LDB2: variants seen among roughly 807,000 people sequenced by gnomAD.
The protein encoded by LDB2 is LIM domain-binding protein 2.
LDB2 carries 12 observed loss-of-function variants against 44.3 expected under a neutral mutation model. That is an observed-to-expected ratio of 0.27 (90% CI 0.17 to 0.44). LDB2 has a LOEUF of 0.44. Among genes scored for constraint, LDB2 ranks in the 20% least tolerant of loss-of-function variants. The pLI, the probability that LDB2 is intolerant of heterozygous loss-of-function variation, is 1.00. For synonymous variants in LDB2, 164 were observed against 174.8 expected (o/e 0.94, Z 0.49); for missense variants, 344 against 473.5 (o/e 0.73, Z 2.54).
chr4:16,567,414 G>A (rs936302449), intron 5 of LDB2, among the ~76,000 whole-genome samples: 7 of 150,018 alleles, frequency 4.7e-5, no homozygotes, highest in African/African-American at 1.5e-4. Context: ...GTGTGCATGC[G>A]TGTGTGTGTG....
intron 1 of LDB2, among the ~76,000 whole-genome samples, chr4:16,790,757 C>T (rs1775535771): frequency 6.6e-6 from 1 of 152,174 alleles, no homozygotes; most frequent in South Asian, 2.1e-4. Context: ...TCTGAGATTT[C>T]CAGTTCTTCT....
chr4:16,754,863 T>C (rs1233530951), intron 2 of LDB2, among the ~76,000 whole-genome samples: 2 of 152,044 alleles, frequency 1.3e-5, no homozygotes, highest in Non-Finnish European at 2.9e-5. Flanking sequence ...CACTTGCACA[T>C]AAGAAAATGA....
At chr4:16,551,977 G>A (rs1418893220) in intron 5 of LDB2, among the ~76,000 whole-genome samples, 4 of 151,992 alleles carry the variant, frequency 2.6e-5, no homozygotes, top group Non-Finnish European at 5.9e-5. Context: ...GTAAGTCTTA[G>A]GTGTATAATT....
chr4:16,701,386 C>T (rs1034319877), intron 2 of LDB2, among the ~76,000 whole-genome samples: 1 of 152,116 alleles, frequency 6.6e-6, no homozygotes, highest in Non-Finnish European at 1.5e-5. Context: ...ACCTGCCTGG[C>T]ACCACGCAAC....
intron 1 of LDB2, among the ~76,000 whole-genome samples, chr4:16,820,125 A>G (rs1781663927): frequency 6.6e-6 from 1 of 152,236 alleles, no homozygotes; most frequent in Non-Finnish European, 1.5e-5. Context: ...GTTCAAATGG[A>G]CTTTTGGGGA....
chr4:16,770,104 G>A (rs1297905364), intron 1 of LDB2, among the ~76,000 whole-genome samples: 2 of 152,196 alleles, frequency 1.3e-5, no homozygotes, highest in African/African-American at 2.4e-5. Context: ...CAGTGTGTAT[G>A]TGCCAACAAT....
chr4:16,705,819 T>C (rs184248547), intron 2 of LDB2, among the ~76,000 whole-genome samples: 2 of 152,272 alleles, frequency 1.3e-5, no homozygotes, highest in East Asian at 1.9e-4. Context: ...TATTTAATGG[T>C]CTATCATGAG....
chr4:16,736,362 A>G lies in LDB2; in HGVS notation c.235+22796T>C, dbSNP rs373458509. On this transcript the variant is annotated intron_variant, in intron 2 of 7. Transcript: ENST00000304523. Reference sequence around the variant, plus strand: ...CAACACTCCTGAGTTTCTGTCCCCAAAAAGCAAGAATCCAATCTTTACATT... The same window carrying G: ...CAACACTCCTGAGTTTCTGTCCCCAGAAAGCAAGAATCCAATCTTTACATT... Among the ~76,000 whole-genome samples the G allele has an allele frequency of 5.3e-5, 8 of 152,216 alleles. No homozygotes were observed. The East Asian group carries it at 1.2e-3, about 22-fold the overall frequency.
intron 1 of LDB2, among the ~76,000 whole-genome samples, chr4:16,781,578 T>C (rs1773243711): frequency 6.6e-6 from 1 of 152,154 alleles, no homozygotes; most frequent in Non-Finnish European, 1.5e-5. Flanking sequence ...CATACTCTGA[T>C]GCACCCAAAT....
intron 1 of LDB2, among the ~76,000 whole-genome samples, chr4:16,814,236 C>T (rs189245461): frequency 2.6e-5 from 4 of 152,272 alleles, no homozygotes; most frequent in Admixed American, 1.3e-4. Context: ...TTAGTGTGCA[C>T]AGGCCAGGTT....
At chr4:16,644,239 T>C (rs1481008379) in intron 2 of LDB2, among the ~76,000 whole-genome samples, 1 of 152,156 alleles carries the variant, frequency 6.6e-6, no homozygotes, top group Non-Finnish European at 1.5e-5. Context: ...TATTTTTGAA[T>C]ACAGAATGCC....
At chr4:16,715,780 A>G (rs1251704517) in intron 2 of LDB2, among the ~76,000 whole-genome samples, 1 of 152,126 alleles carries the variant, frequency 6.6e-6, no homozygotes, top group East Asian at 1.9e-4. Context: ...TGTATGGGGA[A>G]GTCACTAGTA....
intron 5 of LDB2, among the ~76,000 whole-genome samples, chr4:16,560,576 T>C (rs1194676186): frequency 6.6e-6 from 1 of 152,114 alleles, no homozygotes; most frequent in Non-Finnish European, 1.5e-5. Flanking sequence ...CAATAATCAA[T>C]AGCTTACCAA....
At chr4:16,698,454 T>A (rs771588963) in intron 2 of LDB2, among the ~76,000 whole-genome samples, 4 of 152,232 alleles carry the variant, frequency 2.6e-5, no homozygotes, top group Non-Finnish European at 4.4e-5. Context: ...ATCAAACTTC[T>A]GATTTGTCAG....
chr4:16,761,716 G>T (rs1213291068), intron 1 of LDB2, among the ~76,000 whole-genome samples: 1 of 152,110 alleles, frequency 6.6e-6, no homozygotes, highest in Non-Finnish European at 1.5e-5. Context: ...AAATCTTCAG[G>T]AGATAAAATC....
chr4:16,542,106 G>T (rs869106550), intron 5 of LDB2, among the ~76,000 whole-genome samples: 2 of 147,462 alleles, frequency 1.4e-5, no homozygotes, highest in African/African-American at 5.1e-5. Context: ...GGTGGTGGGG[G>T]GGGGGGCGCG....
At chr4:16,584,840 A>G (rs182924438) in intron 5 of LDB2, among the ~76,000 whole-genome samples, 1 of 152,306 alleles carries the variant, frequency 6.6e-6, no homozygotes, top group African/African-American at 2.4e-5. Flanking sequence ...TTTGATGTTT[A>G]TTAATCTGTG....
chr4:16,595,522 T>C (rs1185091658), intron 3 of LDB2, among the ~76,000 whole-genome samples, 181 bp downstream of exon 3: 1 of 152,144 alleles, frequency 6.6e-6, no homozygotes, highest in East Asian at 1.9e-4. Context: ...TGCACACATC[T>C]TAGAACCGTG....
At chr4:16,752,408 A>T in intron 2 of LDB2, 1 of 452,758 alleles carries the variant, frequency 2.2e-6, no homozygotes, top group Non-Finnish European at 4.4e-6. Flanking sequence ...TTAACTCACC[A>T]TTTTCCATTA....
Sources: allele counts gnomAD v4.1 joint callset (sites outside exome capture counted in the v4.1 genomes callset), GRCh38; gene constraint gnomAD v4.1.1; transcripts MANE v1.5; gene names NCBI Gene and HGNC (gene_info 2026-07-23, HGNC 2026-07-21).